MIB1: variants seen among roughly 807,000 people sequenced by gnomAD.
The protein encoded by MIB1 is MIB E3 ubiquitin protein ligase 1.
MIB1 carries 278 observed loss-of-function variants against 124.5 expected under a neutral mutation model. The observed-to-expected ratio is 2.23, with a 90% CI of 2.02 to 2.47. MIB1 has a LOEUF of 2.47. MIB1 is among the 30% of genes most tolerant of loss of function. The pLI, the probability that MIB1 is intolerant of heterozygous loss-of-function variation, is 0.00. For synonymous variants in MIB1, 446 were observed against 429.4 expected (o/e 1.04, Z -0.48); for missense variants, 957 against 1,254.4 (o/e 0.76, Z 3.58).
At chr18:21,862,138 C>T (rs745847657) in intron 20 of MIB1, among the ~76,000 whole-genome samples, 2 of 152,150 alleles carry the variant, frequency 1.3e-5, no homozygotes, top group African/African-American at 2.4e-5. Flanking sequence ...CTCAAGTGAT[C>T]CTCTTACCTC....
chr18:21,860,036 T>C (rs1314496827), intron 20 of MIB1, among the ~76,000 whole-genome samples: 1 of 147,480 alleles, frequency 6.8e-6, no homozygotes, highest in Admixed American at 6.8e-5. Context: ...ATAGAGGGGC[T>C]TCAAAAATAA....
At position 21,868,091 on chromosome 18, in the gene MIB1, T is replaced by A. The variant is rs1346040242; in HGVS notation, c.*3425T>A. The A allele has an allele frequency of 6.6e-6, 1 of 152,054 alleles. No homozygotes were observed. Among genetic ancestry groups the A allele is most frequent in the Non-Finnish European group, 1.5e-5 (1 of 67,934 alleles). 9.4% of individuals were successfully genotyped at this position (152,054 alleles called of 1,614,324 possible). A position where few individuals can be genotyped will look rare whatever the true frequency, so the allele number is the denominator to read the frequency against. ...TATAGTAATAATTTGTGTAAAAAAT[T>A]GAATTTTTGAATAGTTTTTTGTATT... On this transcript the variant is annotated 3_prime_UTR_variant, in exon 21 of 21. Coordinates refer to ENST00000261537, the MANE Select transcript of MIB1 (RefSeq NM_020774.4).
intron 1 of MIB1, among the ~76,000 whole-genome samples, chr18:21,733,602 C>T (rs900054277): frequency 1.3e-5 from 2 of 152,176 alleles, no homozygotes; most frequent in Non-Finnish European, 2.9e-5. Context: ...AATAGTTGGT[C>T]CTCTTCAATT....
At chr18:21,716,283 A>G (rs2040689349) in intron 1 of MIB1, among the ~76,000 whole-genome samples, 1 of 152,214 alleles carries the variant, frequency 6.6e-6, no homozygotes, top group South Asian at 2.1e-4. Context: ...AAATGAAGGA[A>G]AGATACAGTC....
At chr18:21,760,068 G>A (rs189006983) in intron 1 of MIB1, among the ~76,000 whole-genome samples, 2 of 152,220 alleles carry the variant, frequency 1.3e-5, no homozygotes, top group East Asian at 1.9e-4. Flanking sequence ...TTCATTTAAC[G>A]GCGGCAGATG....
At chr18:21,834,472 G>T (rs758891235) in intron 12 of MIB1, among the ~76,000 whole-genome samples, 26 of 152,086 alleles carry the variant, frequency 1.7e-4, no homozygotes, top group Non-Finnish European at 4.4e-5. Context: ...TTAGAGATAC[G>T]GAAATGTTTA....
At chr18:21,778,018 TC>T (rs1156901048) in intron 4 of MIB1, 84 bp from the exon 5 acceptor site, 1 of 916,674 alleles carries the variant, frequency 1.1e-6, no homozygotes, top group African/African-American at 1.6e-5. Context: ...TTGGGTATGT[TC>T]TGAATGAATA....
intron 7 of MIB1, among the ~76,000 whole-genome samples, chr18:21,797,578 T>C (rs2041597727): frequency 6.6e-6 from 1 of 152,000 alleles, no homozygotes; most frequent in Admixed American, 6.6e-5. Flanking sequence ...AATGAACAGG[T>C]TTAGGAATAT....
chr18:21,710,688 T>G (rs986221774), intron 1 of MIB1, among the ~76,000 whole-genome samples: 1 of 151,920 alleles, frequency 6.6e-6, no homozygotes, highest in Non-Finnish European at 1.5e-5. Flanking sequence ...AGTTCAAGAC[T>G]GCAGTGAGGG....
At chr18:21,864,322 A>G (rs919619123) in intron 20 of MIB1, among the ~76,000 whole-genome samples, 3 of 152,058 alleles carry the variant, frequency 2.0e-5, no homozygotes, top group African/African-American at 7.2e-5. Flanking sequence ...TACCTTTCAT[A>G]CTATCCTGAT....
At chr18:21,791,936 A>G (rs1474097648) in intron 7 of MIB1, among the ~76,000 whole-genome samples, 1 of 152,206 alleles carries the variant, frequency 6.6e-6, no homozygotes, top group African/African-American at 2.4e-5. Context: ...AAACTTGAGT[A>G]TGAAAGAGCA....
intron 6 of MIB1, among the ~76,000 whole-genome samples, chr18:21,783,938 T>C (rs1383478591): frequency 6.6e-6 from 1 of 152,128 alleles, no homozygotes; most frequent in East Asian, 1.9e-4. Context: ...AGATGGGGTC[T>C]TACGATGTTG....
Position 21,847,274 on chromosome 18 carries a change from T to G in MIB1, c.2393+149T>G, listed in dbSNP as rs532212020. On this transcript the variant is annotated intron_variant, in intron 16 of 20. Transcript: ENST00000261537. ...ACCCTTTCTTTCCTGAAATTTTTCT[T>G]CCTTGAAAATTTTTCTGCAGGCAGC... The G allele has an allele frequency of 1.3e-5, 10 of 741,518 alleles. No individual in the cohort carries two copies. In the African/African-American group the frequency reaches 1.8e-4, roughly 13 times the overall value. 45.9% of individuals were successfully genotyped at this position (741,518 alleles called of 1,614,324 possible).
At chr18:21,743,317 A>G (rs1434503595) in intron 1 of MIB1, among the ~76,000 whole-genome samples, 1 of 152,138 alleles carries the variant, frequency 6.6e-6, no homozygotes, top group African/African-American at 2.4e-5. Context: ...TCACTAAATT[A>G]TATTGGTGAT....
chr18:21,848,451 CA>C (rs529907005), intron 16 of MIB1, among the ~76,000 whole-genome samples: 69 of 141,932 alleles, frequency 4.9e-4, no homozygotes, highest in East Asian at 3.7e-3. Flanking sequence ...ATTCTGTCTC[CA>C]AAAAAAAAAA....
At chr18:21,715,965 C>T (rs1204072654) in intron 1 of MIB1, among the ~76,000 whole-genome samples, 1 of 152,078 alleles carries the variant, frequency 6.6e-6, no homozygotes, top group Non-Finnish European at 1.5e-5. Context: ...GGAAAACTTC[C>T]CTGGCCTTGT....
chr18:21,771,259 A>G (rs1217495750), intron 3 of MIB1, among the ~76,000 whole-genome samples: 1 of 152,238 alleles, frequency 6.6e-6, no homozygotes, highest in Non-Finnish European at 1.5e-5. Flanking sequence ...TAACAAATGA[A>G]GGAATTTCAT....
intron 1 of MIB1, among the ~76,000 whole-genome samples, chr18:21,732,332 A>AAT (rs2040774857): frequency 6.9e-6 from 1 of 145,558 alleles, no homozygotes; most frequent in African/African-American, 2.5e-5. Flanking sequence ...CATCTAAAAA[A>AAT]ATATATATAT....
At chr18:21,837,721 T>C (rs988408525) in intron 12 of MIB1, among the ~76,000 whole-genome samples, 1 of 152,240 alleles carries the variant, frequency 6.6e-6, no homozygotes, top group African/African-American at 2.4e-5. Context: ...AAATTTTAAA[T>C]ATTAAATTAT....
Sources: gnomAD v4.1 joint callset for allele counts (sites outside exome capture counted in the v4.1 genomes callset) on GRCh38, gnomAD v4.1.1 for gene constraint, MANE v1.5 for transcripts, NCBI Gene and HGNC (gene_info 2026-07-23, HGNC 2026-07-21) for gene names.